Variants in RUNX1T1 observed in about 807,000 individuals in gnomAD.
RUNX1T1 encodes the protein RUNX1 partner transcriptional co-repressor 1, also known as protein CBFA2T1.
RUNX1T1 carries 4 observed loss-of-function variants against 62.8 expected under a neutral mutation model. The ratio of observed to expected loss-of-function variants is 0.06; its 90% CI spans 0.03 to 0.15. RUNX1T1 has a LOEUF of 0.15. Among genes scored for constraint, RUNX1T1 ranks in the 10% least tolerant of loss-of-function variants. The pLI is 1.00. For synonymous variants in RUNX1T1, 291 were observed against 286.0 expected (o/e 1.02, Z -0.18); for missense variants, 508 against 754.3 (o/e 0.67, Z 3.82).
At chr8:91,986,238 A>T in exon 8 of RUNX1T1, 1 of 1,613,968 alleles carries the variant, frequency 6.2e-7, no homozygotes, top group Non-Finnish European at 8.5e-7. Flanking sequence ...CAGTAATTCA[A>T]TTCTTCCCGG....
Position 92,079,908 on chromosome 8 carries a change from G to A in RUNX1T1, c.-85-3771C>T, listed in dbSNP as rs1587519690. Among the ~76,000 whole-genome samples the A allele has an allele frequency of 2.6e-5, 4 of 152,008 alleles. No homozygotes were observed. In the South Asian group the frequency reaches 8.3e-4, roughly 32 times the overall value. ...CGGCCAGTTCTTCCTCAACCCTCAG[G>A]CTTTAGTTCAAGAGTCACCACCTGA... On this transcript the variant is annotated intron_variant, in intron 1 of 11. Coordinates refer to the RUNX1T1 transcript ENST00000265814.
At chr8:92,095,554 T>C (rs1837669092) in intron 1 of RUNX1T1, 1 of 1,456,360 alleles carries the variant, frequency 6.9e-7, no homozygotes, top group Non-Finnish European at 9.0e-7. Context: ...AGGGCCCAGA[T>C]GGAGGCAGGA....
intron 1 of RUNX1T1, among the ~76,000 whole-genome samples, chr8:92,061,426 C>T (rs141924101): frequency 6.6e-6 from 1 of 152,134 alleles, no homozygotes; most frequent in Admixed American, 6.5e-5. Flanking sequence ...GTTAAAATGA[C>T]CTTTCAAAGA....
intron 1 of RUNX1T1, among the ~76,000 whole-genome samples, chr8:92,088,748 T>C (rs766949177): frequency 2.4e-4 from 37 of 152,208 alleles, no homozygotes; most frequent in Non-Finnish European, 4.0e-4. Flanking sequence ...TCTCATTACG[T>C]GGCCATGTCT....
At chr8:92,019,359 G>A (rs1196025792) in intron 1 of RUNX1T1, among the ~76,000 whole-genome samples, 1 of 152,116 alleles carries the variant, frequency 6.6e-6, no homozygotes, top group South Asian at 2.1e-4. Context: ...GTTAGAGAAG[G>A]CAGTCCAGAT....
At chr8:92,049,001 T>C (rs1396237861) in intron 1 of RUNX1T1, among the ~76,000 whole-genome samples, 1 of 152,218 alleles carries the variant, frequency 6.6e-6, no homozygotes, top group Non-Finnish European at 1.5e-5. Flanking sequence ...AGGTCTCTTC[T>C]GGAGGCCTGT....
intron 2 of RUNX1T1, among the ~76,000 whole-genome samples, chr8:92,015,794 T>G (rs1326420401): frequency 1.3e-5 from 2 of 152,208 alleles, no homozygotes; most frequent in African/African-American, 2.4e-5. Flanking sequence ...AAAGTTCAAT[T>G]TTGACATAAT....
intron 4 of RUNX1T1, chr8:92,009,589 C>CT: frequency 1.1e-5 from 1 of 87,536 alleles, no homozygotes; most frequent in East Asian, 5.5e-4. Flanking sequence ...TTTTTTCTTT[C>CT]TTCTTCTTCT....
At chr8:92,078,068 AT>A (rs1472633508) in intron 1 of RUNX1T1, among the ~76,000 whole-genome samples, 9 of 152,128 alleles carry the variant, frequency 5.9e-5, no homozygotes, top group Non-Finnish European at 8.8e-5. Flanking sequence ...ATATTTATAA[AT>A]TCTTAAATGT....
upstream of RUNX1T1, among the ~76,000 whole-genome samples, chr8:92,064,571 T>C: frequency 6.6e-6 from 1 of 152,222 alleles, no homozygotes; most frequent in Non-Finnish European, 1.5e-5. Context: ...TAGACTTTCA[T>C]TTTTAAAGAG....
downstream of RUNX1T1, chr8:91,955,127 C>A (rs530209702): frequency 9.3e-6 from 2 of 214,264 alleles, no homozygotes; most frequent in South Asian, 1.9e-4. Context: ...TTATCAAATA[C>A]ATCATCAACA....
chr8:91,984,216 T>C (rs1326130818), intron 8 of RUNX1T1, among the ~76,000 whole-genome samples: 1 of 152,214 alleles, frequency 6.6e-6, no homozygotes, highest in African/African-American at 2.4e-5. Context: ...TTTGGTTATG[T>C]AGCAGGGACA....
At chr8:92,017,332 G>A (rs1451617991) in exon 2 of RUNX1T1, 2 of 1,613,572 alleles carry the variant, frequency 1.2e-6, no homozygotes, top group Non-Finnish European at 1.7e-6. Flanking sequence ...CCACAGGTGA[G>A]TCTGGCATTG....
intron 1 of RUNX1T1, among the ~76,000 whole-genome samples, chr8:92,035,500 A>C (rs1178621884): frequency 1.3e-5 from 2 of 152,108 alleles, no homozygotes; most frequent in Admixed American, 6.5e-5. Context: ...ATACATAAAA[A>C]AAAATTTTAA....
chr8:92,047,749 AT>A (rs1296183394), intron 1 of RUNX1T1, among the ~76,000 whole-genome samples: 1 of 150,788 alleles, frequency 6.6e-6, no homozygotes, highest in Non-Finnish European at 1.5e-5. Context: ...GGCACTATGG[AT>A]TTAAAAAAAA....
At chr8:92,092,589 C>T (rs760119122) in intron 1 of RUNX1T1, among the ~76,000 whole-genome samples, 49 of 152,140 alleles carry the variant, frequency 3.2e-4, no homozygotes, top group East Asian at 7.7e-4. Flanking sequence ...TACAACAGTC[C>T]GGCAGTAAGT....
chr8:92,053,686 C>CTTAATT (rs1031590250), intron 1 of RUNX1T1, among the ~76,000 whole-genome samples: 1 of 152,120 alleles, frequency 6.6e-6, no homozygotes, highest in African/African-American at 2.4e-5. Context: ...AGATTCATTT[C>CTTAATT]TTAATTTTTC....
At chr8:92,074,923 A>G (rs77318926) in intron 2 of RUNX1T1, among the ~76,000 whole-genome samples, 3,671 of 152,296 alleles carry the variant, frequency 0.024, 143 homozygotes, top group African/African-American at 0.084. Context: ...GGAGTGTATC[A>G]TCCTACAGGG....
chr8:92,035,311 T>A (rs896648766), intron 1 of RUNX1T1, among the ~76,000 whole-genome samples: 28 of 88,554 alleles, frequency 3.2e-4, no homozygotes, highest in South Asian at 1.1e-3. Flanking sequence ...AAAAAAAAAA[T>A]AAGAGTGGGA....
Sources: gnomAD v4.1 joint callset for allele counts (sites outside exome capture counted in the v4.1 genomes callset) on GRCh38, gnomAD v4.1.1 for gene constraint, MANE v1.5 for transcripts, NCBI Gene and HGNC (gene_info 2026-07-23, HGNC 2026-07-21) for gene names.